SPAG16: variants seen among roughly 807,000 people sequenced by gnomAD.
SPAG16 encodes sperm-associated antigen 16 protein.
SPAG16 carries 86 observed loss-of-function variants against 80.4 expected under a neutral mutation model. That is an observed-to-expected ratio of 1.07 (90% CI 0.90 to 1.28). SPAG16 has a LOEUF of 1.28. Ranked by LOEUF, SPAG16 falls within the 50% of genes most tolerant of loss-of-function variation. The probability of loss-of-function intolerance (pLI) is 0.00; values close to 1 mark genes in which losing one functional copy is unlikely to be tolerated. For synonymous variants in SPAG16, 294 were observed against 265.9 expected (o/e 1.11, Z -1.03); for missense variants, 870 against 765.3 (o/e 1.14, Z -1.61).
chr2:214,109,976 G>A (rs2053581285), intron 14 of SPAG16, among the ~76,000 whole-genome samples: 1 of 152,030 alleles, frequency 6.6e-6, no homozygotes, highest in African/African-American at 2.4e-5. Flanking sequence ...TATAATAACT[G>A]CAAAAGACAG....
chr2:214,119,777 T>C (rs572800072), intron 14 of SPAG16, among the ~76,000 whole-genome samples: 3 of 152,196 alleles, frequency 2.0e-5, no homozygotes, highest in Non-Finnish European at 2.9e-5. Context: ...TAGTCTCTCA[T>C]AGTTCTTTCA....
At chr2:214,087,822 CT>C (rs1284635795) in intron 13 of SPAG16, among the ~76,000 whole-genome samples, 3 of 151,896 alleles carry the variant, frequency 2.0e-5, no homozygotes, top group Non-Finnish European at 4.4e-5. Context: ...AAATCTTGCC[CT>C]TTTTTGGAAG....
intron 10 of SPAG16, among the ~76,000 whole-genome samples, chr2:213,635,890 C>T (rs2062343045): frequency 6.6e-6 from 1 of 152,116 alleles, no homozygotes; most frequent in Non-Finnish European, 1.5e-5. Context: ...TTTTCTTCCA[C>T]TCTGTGGGTT....
At chr2:214,258,443 C>T (rs978732708) in intron 15 of SPAG16, among the ~76,000 whole-genome samples, 12 of 145,992 alleles carry the variant, frequency 8.2e-5, no homozygotes, top group Non-Finnish European at 1.4e-4. Flanking sequence ...TGAGTAGTAT[C>T]CCACAGTGTG....
At chr2:213,300,089 A>G (rs1378594391) in intron 3 of SPAG16, among the ~76,000 whole-genome samples, 1 of 152,140 alleles carries the variant, frequency 6.6e-6, no homozygotes, top group Non-Finnish European at 1.5e-5. Context: ...TTCAAGGTAC[A>G]ATCTCAGAGG....
chr2:213,301,834 T>C (rs1161617101), intron 3 of SPAG16, among the ~76,000 whole-genome samples: 2 of 152,172 alleles, frequency 1.3e-5, no homozygotes, highest in African/African-American at 2.4e-5. Context: ...CCTTAATGGA[T>C]TGAATTGTCA....
intron 12 of SPAG16, among the ~76,000 whole-genome samples, chr2:213,979,269 G>A (rs1339747932): frequency 6.6e-6 from 1 of 151,862 alleles, no homozygotes; most frequent in Non-Finnish European, 1.5e-5. Flanking sequence ...AGAAATGTTG[G>A]GGGGTATGGA....
intron 13 of SPAG16, among the ~76,000 whole-genome samples, chr2:214,085,794 C>A (rs1335279088): frequency 6.6e-6 from 1 of 152,152 alleles, no homozygotes; most frequent in African/African-American, 2.4e-5. Flanking sequence ...ATGTTGAAGG[C>A]TTTTCACAGT....
intron 12 of SPAG16, among the ~76,000 whole-genome samples, chr2:213,982,048 T>C (rs993074585): frequency 6.6e-6 from 1 of 151,818 alleles, no homozygotes; most frequent in African/African-American, 2.4e-5. Flanking sequence ...GCAACTGATA[T>C]ATGTTATAGA....
chr2:214,064,289 T>C (rs947717065), intron 13 of SPAG16, among the ~76,000 whole-genome samples: 3 of 152,098 alleles, frequency 2.0e-5, no homozygotes, highest in South Asian at 4.1e-4. Context: ...TATACTTATA[T>C]ATATTTAGCT....
intron 9 of SPAG16, among the ~76,000 whole-genome samples, chr2:213,405,061 C>G (rs2068540264): frequency 6.6e-6 from 1 of 152,092 alleles, no homozygotes; most frequent in Non-Finnish European, 1.5e-5. Context: ...TTTATTTTGT[C>G]CATAAGCTAG....
intron 12 of SPAG16, among the ~76,000 whole-genome samples, chr2:213,970,350 A>G (rs1235014226): frequency 6.6e-6 from 1 of 151,344 alleles, no homozygotes. Context: ...TGTGTTACCC[A>G]GGCTGGAGTG....
Position 214,227,202 on chromosome 2 carries a change from T to G in SPAG16, c.1720+77936T>G, listed in dbSNP as rs114861344. ...TTCCAATTAATTTGTGGTCAAATAA[T>G]AGTGATTATGGAAATTTTAGAGATT... On this transcript the variant is annotated intron_variant, in intron 15 of 15. Transcript: ENST00000331683. Among the ~76,000 whole-genome samples the G allele has an allele frequency of 5.0e-3, 760 of 152,198 alleles. 5 individuals carry two copies. The highest frequency in any genetic ancestry group is 0.017 in the African/African-American group (719 of 41,564).
intron 15 of SPAG16, among the ~76,000 whole-genome samples, chr2:214,306,916 G>C (rs1264457309): frequency 6.6e-6 from 1 of 152,174 alleles, no homozygotes; most frequent in Non-Finnish European, 1.5e-5. Context: ...AATTAGGGGG[G>C]AGTCCCTCCC....
At chr2:213,302,353 A>G (rs537462513) in intron 3 of SPAG16, among the ~76,000 whole-genome samples, 6 of 152,306 alleles carry the variant, frequency 3.9e-5, no homozygotes, top group African/African-American at 1.4e-4. Flanking sequence ...TTTCTTAAGT[A>G]TACATAATGG....
chr2:213,676,617 C>T (rs957628112), intron 10 of SPAG16, among the ~76,000 whole-genome samples: 2 of 152,010 alleles, frequency 1.3e-5, no homozygotes, highest in African/African-American at 4.8e-5. Flanking sequence ...TGTCAAAGGC[C>T]TTTTCTGCAT....
At chr2:214,309,236 G>A (rs1017005791) in intron 15 of SPAG16, among the ~76,000 whole-genome samples, 1 of 151,370 alleles carries the variant, frequency 6.6e-6, no homozygotes, top group Admixed American at 6.6e-5. Flanking sequence ...GTTCTGTCAG[G>A]GTGGCTATGT....
chr2:213,713,389 G>A (rs1456749095), intron 10 of SPAG16, among the ~76,000 whole-genome samples: 6 of 152,192 alleles, frequency 3.9e-5, no homozygotes, highest in African/African-American at 7.2e-5. Flanking sequence ...CTGAAGGGAT[G>A]TAGTAACCAC....
At chr2:213,939,412 A>G (rs2079112818) in intron 12 of SPAG16, among the ~76,000 whole-genome samples, 2 of 152,326 alleles carry the variant, frequency 1.3e-5, no homozygotes, top group East Asian at 1.9e-4. Flanking sequence ...CCTTTCTGCT[A>G]GAGATGACAA....
Sources: gnomAD v4.1 joint callset for allele counts (sites outside exome capture counted in the v4.1 genomes callset) on GRCh38, gnomAD v4.1.1 for gene constraint, MANE v1.5 for transcripts, NCBI Gene and HGNC (gene_info 2026-07-23, HGNC 2026-07-21) for gene names.